The following ZNRF1 variants were observed in gnomAD, a reference collection of about 807,000 sequenced individuals.
ZNRF1 encodes the protein zinc and ring finger 1, also known as E3 ubiquitin-protein ligase ZNRF1.
In ZNRF1, 3 loss-of-function variants were observed where a neutral mutation model predicts 18.4. That is an observed-to-expected ratio of 0.16 (90% CI 0.07 to 0.42). The LOEUF is 0.42. Among genes scored for constraint, ZNRF1 ranks in the 10% least tolerant of loss-of-function variants. The probability of loss-of-function intolerance (pLI) is 0.99; values close to 1 mark genes in which losing one functional copy is unlikely to be tolerated. For synonymous variants in ZNRF1, 157 were observed against 144.2 expected (o/e 1.09, Z -0.64); for missense variants, 310 against 329.8 (o/e 0.94, Z 0.47).
chr16:75,038,480 A>T (rs1210827470), intron 1 of ZNRF1, among the ~76,000 whole-genome samples: 2 of 152,204 alleles, frequency 1.3e-5, no homozygotes, highest in African/African-American at 4.8e-5. Context: ...AAGTTACATG[A>T]TGTGGCTTTC....
intron 1 of ZNRF1, among the ~76,000 whole-genome samples, chr16:75,087,572 T>C (rs1311084993): frequency 3.3e-5 from 5 of 152,166 alleles, no homozygotes. Flanking sequence ...TGGCTTCTCT[T>C]GATTGGAAGT....
At chr16:75,020,744 G>A (rs1435275386) in intron 1 of ZNRF1, among the ~76,000 whole-genome samples, 14 of 151,980 alleles carry the variant, frequency 9.2e-5, no homozygotes, top group East Asian at 3.9e-4. Flanking sequence ...AGGTTTCACC[G>A]TGTTAGCCAG....
chr16:75,056,420 G>C (rs746120464), intron 1 of ZNRF1, among the ~76,000 whole-genome samples: 8 of 152,160 alleles, frequency 5.3e-5, no homozygotes, highest in Non-Finnish European at 8.8e-5. Context: ...TAAAAGTGAG[G>C]TATAAGATTA....
intron 1 of ZNRF1, among the ~76,000 whole-genome samples, chr16:75,000,662 C>T (rs1006599740): frequency 3.3e-5 from 5 of 152,216 alleles, no homozygotes; most frequent in African/African-American, 1.2e-4. Flanking sequence ...CTGGCATAGA[C>T]AGGTGTGGCT....
intron 1 of ZNRF1, among the ~76,000 whole-genome samples, chr16:75,066,209 G>C (rs1246641058): frequency 1.3e-5 from 2 of 152,124 alleles, no homozygotes; most frequent in African/African-American, 4.8e-5. Flanking sequence ...AAGCCCCCTG[G>C]TACCTCTGTT....
intron 1 of ZNRF1, among the ~76,000 whole-genome samples, chr16:75,001,811 A>C (rs886209377): frequency 6.6e-6 from 1 of 152,212 alleles, no homozygotes; most frequent in East Asian, 1.9e-4. Context: ...TGCTACTACC[A>C]GGTTCCATGC....
intron 1 of ZNRF1, among the ~76,000 whole-genome samples, chr16:75,035,777 C>G (rs1457859557): frequency 6.6e-6 from 1 of 152,144 alleles, no homozygotes; most frequent in Non-Finnish European, 1.5e-5. Context: ...TGGGAGGGGC[C>G]CCATGCACAG....
intron 1 of ZNRF1, among the ~76,000 whole-genome samples, chr16:75,034,261 C>T (rs1207354313): frequency 1.4e-4 from 22 of 152,220 alleles, no homozygotes; most frequent in Admixed American, 1.4e-3. Flanking sequence ...ACTTTTTCAT[C>T]TTGCCAAACT....
intron 1 of ZNRF1, among the ~76,000 whole-genome samples, chr16:75,008,667 G>C (rs188424528): frequency 6.6e-6 from 1 of 152,230 alleles, no homozygotes; most frequent in Admixed American, 6.5e-5. Flanking sequence ...CAGGACCTAT[G>C]GTAGGTGCTG....
intron 1 of ZNRF1, among the ~76,000 whole-genome samples, chr16:75,046,526 C>T (rs538190972): frequency 6.6e-6 from 1 of 152,308 alleles, no homozygotes; most frequent in South Asian, 2.1e-4. Flanking sequence ...GCTGAGATTA[C>T]AGGCGTGAGC....
At chr16:75,062,200 T>A (rs2035752257) in intron 1 of ZNRF1, among the ~76,000 whole-genome samples, 1 of 152,210 alleles carries the variant, frequency 6.6e-6, no homozygotes, top group Admixed American at 6.5e-5. Context: ...AATAACATGC[T>A]TAGAACCTTC....
intron 1 of ZNRF1, among the ~76,000 whole-genome samples, chr16:75,043,549 T>G (rs930584330): frequency 3.3e-5 from 5 of 152,104 alleles, no homozygotes; most frequent in African/African-American, 4.8e-5. Flanking sequence ...TACAGAACAT[T>G]TAACTATAAT....
intron 1 of ZNRF1, among the ~76,000 whole-genome samples, chr16:75,064,477 G>T (rs912898058): frequency 1.1e-4 from 16 of 151,474 alleles, no homozygotes; most frequent in African/African-American, 3.9e-4. Flanking sequence ...AATTGTTTGA[G>T]CCCGGGGTGC....
chr16:75,076,681 A>G (rs929467842), intron 1 of ZNRF1, among the ~76,000 whole-genome samples: 12 of 147,820 alleles, frequency 8.1e-5, no homozygotes, highest in Non-Finnish European at 1.2e-4. Context: ...TACGGACTGA[A>G]TGTGTTTTAT....
rs56377786 is a variant in ZNRF1 at position 75,049,845 on chromosome 16, T to TTGTGTGTGTGTG, written c.425-43712_425-43701dup. 5.3e-3 allele frequency among the ~76,000 whole-genome samples: 790 copies of TTGTGTGTGTGTG among 149,378 alleles called. 6 individuals are homozygous for TTGTGTGTGTGTG. The highest frequency in any genetic ancestry group is 0.016 in the African/African-American group (668 of 40,508). ...TCTCATCACTTTCACATGCACCCAT[T>TTGTGTGTGTGTG]TGTGTGTGTGTGTGTGTGTGTGTGT... On this transcript the variant is annotated intron_variant, in intron 1 of 4. Transcript: ENST00000335325.
chr16:75,009,018 A>G (rs945214974), intron 1 of ZNRF1, among the ~76,000 whole-genome samples: 8 of 152,240 alleles, frequency 5.3e-5, no homozygotes, highest in Admixed American at 2.0e-4. Flanking sequence ...ACTGATTTTC[A>G]GACTCTTCAT....
At chr16:75,027,909 C>A (rs1444858035) in intron 1 of ZNRF1, among the ~76,000 whole-genome samples, 1 of 152,178 alleles carries the variant, frequency 6.6e-6, no homozygotes, top group Non-Finnish European at 1.5e-5. Flanking sequence ...CATACTTTCT[C>A]CTCTCTTTTA....
At chr16:75,039,560 A>G (rs2035416169) in intron 1 of ZNRF1, among the ~76,000 whole-genome samples, 1 of 152,194 alleles carries the variant, frequency 6.6e-6, no homozygotes, top group Non-Finnish European at 1.5e-5. Context: ...TGATACTTGT[A>G]AGAGGTACAG....
intron 1 of ZNRF1, among the ~76,000 whole-genome samples, chr16:75,034,015 A>G (rs1316154466): frequency 6.6e-6 from 1 of 150,964 alleles, no homozygotes; most frequent in African/African-American, 2.4e-5. Context: ...GAAATTAGCC[A>G]GGTGTGTTGG....
Sources: allele counts gnomAD v4.1 joint callset (sites outside exome capture counted in the v4.1 genomes callset), GRCh38; gene constraint gnomAD v4.1.1; transcripts MANE v1.5; gene names NCBI Gene and HGNC (gene_info 2026-07-23, HGNC 2026-07-21).